Variants in EPHA10 observed in about 807,000 individuals in gnomAD.
EPHA10 encodes EPH receptor A10.
EPHA10 carries 120 observed loss-of-function variants against 109.7 expected under a neutral mutation model. The ratio of observed to expected loss-of-function variants is 1.09; its 90% CI spans 0.94 to 1.27. EPHA10 has a LOEUF of 1.27. Among genes scored for constraint, EPHA10 ranks in the 50% most tolerant of loss-of-function variants. The probability of loss-of-function intolerance (pLI) is 0.00; values close to 1 mark genes in which losing one functional copy is unlikely to be tolerated. For missense variants in EPHA10, 1,396 were observed against 1,411.1 expected (o/e 0.99, Z 0.17); for synonymous variants, 640 against 618.9 (o/e 1.03, Z -0.51).
Position 37,735,352 on chromosome 1 carries a change from C to T in EPHA10, c.1396G>A (p.Glu466Lys). The T allele has an allele frequency of 6.3e-7, 1 of 1,577,064 alleles. No homozygotes were observed. The highest frequency in any genetic ancestry group is 8.6e-7 in the Non-Finnish European group (1 of 1,161,346). ...CACGACAGGGACACGCTCTGGGGTT[C>T]CACTCGGTCCCTGCGGATCTCATCC... ...EEDEIRRDRV[E>K]PQSVSLSWRE... The change falls in exon 6 of 17, where the codon GAA (glutamate) becomes AAA (lysine). Residue 466 changes from glutamate (E) to lysine (K), a missense_variant. Physicochemically the swap from Glu to Lys is moderately conservative, Grantham distance 56. Transcript: ENST00000373048.
rs189994728 is a variant in EPHA10, at chr1:37,723,372, C to A, written c.1773G>T (p.Arg591Ser). ...SVMSVLAIWRRPCSYGKGGGD... is the reference protein window; with the variant it reads ...SVMSVLAIWRSPCSYGKGGGD... ...CTCCTCCTTTGCCATAGCTGCAGGG[C>A]CTGGCAGGGAGTTCAGGGTCATTCT... The change falls in exon 9 of 17, where the codon AGG (arginine) becomes AGT (serine). Residue 591 changes from arginine (R) to serine (S), a missense_variant and splice_region_variant. By Grantham distance (110) the Arg-to-Ser change is moderately radical (BLOSUM62 -1). Coordinates refer to ENST00000373048, the MANE Select transcript of EPHA10 (RefSeq NM_001099439.2). The A allele has an allele frequency of 2.5e-5, 40 of 1,614,006 alleles. 1 individual carries two copies. In the South Asian group the frequency reaches 4.1e-4, roughly 16 times the overall value.
At position 37,723,044 on chromosome 1, in the gene EPHA10, C is replaced by T. The variant is rs1645825537; in HGVS notation, c.1957G>A (p.Gly653Arg). The change falls in exon 10 of 17, where the codon GGA (glycine) becomes AGA (arginine). Residue 653 changes from glycine (G) to arginine (R), a missense_variant. Physicochemically the swap from Gly to Arg is moderately radical, Grantham distance 125. Transcript: ENST00000373048. ...KSVTLERSLG[G>R]GRFGELCCGC... ...GCTTCCTGGGCGCCCAGCTTGCCTC[C>T]TCCAAGGCTCCTCTCCAGCGTGACG... 5.6e-6 allele frequency: 9 copies of T among 1,614,178 alleles called. No homozygotes were observed. Among genetic ancestry groups the T allele is most frequent in the Middle Eastern group, 3.3e-4 (2 of 6,062 alleles).
chr1:37,752,285 C>T (rs1048274554), intron 5 of EPHA10, among the ~76,000 whole-genome samples: 16 of 152,116 alleles, frequency 1.1e-4, no homozygotes, highest in Non-Finnish European at 1.0e-4. Context: ...TGTGTTCCAT[C>T]GCCCCTACAG....
At chr1:37,726,726 C>T (rs1645897746) in intron 8 of EPHA10, among the ~76,000 whole-genome samples, 2 of 152,222 alleles carry the variant, frequency 1.3e-5, no homozygotes, top group Non-Finnish European at 2.9e-5. Flanking sequence ...TCTTTTCCCC[C>T]TTTTCCTGTG....
At chr1:37,740,009 G>A (rs551549499) in intron 5 of EPHA10, among the ~76,000 whole-genome samples, 1 of 152,152 alleles carries the variant, frequency 6.6e-6, no homozygotes, top group South Asian at 2.1e-4. Flanking sequence ...CAGGAGGCTT[G>A]CCCAAGACCA....
At chr1:37,755,355 A>T (rs1646385397) in intron 3 of EPHA10, among the ~76,000 whole-genome samples, 1 of 151,820 alleles carries the variant, frequency 6.6e-6, no homozygotes, top group South Asian at 2.1e-4. Context: ...CCCTCCCACC[A>T]CCACCATCAT....
intron 5 of EPHA10, among the ~76,000 whole-genome samples, chr1:37,749,039 CAG>C (rs1044182980): frequency 6.6e-6 from 1 of 151,112 alleles, no homozygotes; most frequent in Non-Finnish European, 1.5e-5. Context: ...TCTCCTGCCT[CAG>C]CCTCCCCAGT....
intron 5 of EPHA10, among the ~76,000 whole-genome samples, chr1:37,748,258 C>A (rs1352296060): frequency 6.6e-6 from 1 of 152,050 alleles, no homozygotes; most frequent in African/African-American, 2.4e-5. Flanking sequence ...ACTTGGGAGG[C>A]TGAGGCAGCA....
chr1:37,762,692 A>G (rs1235257014), intron 2 of EPHA10, 93 bp downstream of exon 2: 1 of 1,151,346 alleles, frequency 8.7e-7, no homozygotes, highest in Non-Finnish European at 1.2e-6. Context: ...TCTGAGGAGC[A>G]CTTTTGTCTG....
At chr1:37,760,579 G>T in intron 3 of EPHA10, 1 of 392,794 alleles carries the variant, frequency 2.5e-6, no homozygotes, top group Non-Finnish European at 3.7e-6. Flanking sequence ...GTGACTGGGA[G>T]ATTCCTCTCT....
intron 7 of EPHA10, among the ~76,000 whole-genome samples, chr1:37,730,046 C>T (rs1645956016): frequency 6.6e-6 from 1 of 152,114 alleles, no homozygotes; most frequent in South Asian, 2.1e-4. Flanking sequence ...CTGACGGTCC[C>T]CAGCTCCTGC....
Position 37,718,441 on chromosome 1 carries a change from G to A in EPHA10, c.2958C>T (p.Ala986=). ...LGISLAEHRE[A]LLSGISALQA... ...GCAGGGCGCTGATCCCGCTGAGGAGGGCCTCTCGATGTTCAGCCAAAGAGA... is the reference window on the plus strand; with the variant it reads ...GCAGGGCGCTGATCCCGCTGAGGAGAGCCTCTCGATGTTCAGCCAAAGAGA... Residue 986 remains alanine, a synonymous_variant, in exon 17 of 17, where the codon GCC becomes GCT. Transcript: ENST00000373048. 6.2e-7 allele frequency: 1 copy of A among 1,613,424 alleles called. No individual in the cohort carries two copies. The highest frequency in any genetic ancestry group is 1.1e-5 in the South Asian group (1 of 91,080).
downstream of EPHA10, chr1:37,714,985 C>T (rs1645671484): frequency 6.6e-6 from 1 of 152,260 alleles, no homozygotes; most frequent in South Asian, 2.1e-4. Flanking sequence ...TAGCCCAGTG[C>T]CCACACTGAC....
chr1:37,719,659 A>G lies in EPHA10; in HGVS notation c.2563-52T>C, dbSNP rs746173401. 5 of 1,599,798 alleles carry G rather than the reference A, an allele frequency of 3.1e-6. No individual in the cohort carries two copies. In the Admixed American group the frequency reaches 8.4e-5, roughly 27 times the overall value. On this transcript the variant is annotated intron_variant, in intron 14 of 16. Transcript: ENST00000373048. The stretch of plus-strand genomic sequence containing the variant: ...AGGAGGCTCTGGGTTTCCCCAGCAT[A>G]TGGTGTGTGCACACACACATGCACA...
At chr1:37,752,621 G>A (rs1474194717) in intron 5 of EPHA10, among the ~76,000 whole-genome samples, 1 of 152,154 alleles carries the variant, frequency 6.6e-6, no homozygotes, top group Non-Finnish European at 1.5e-5. Flanking sequence ...CAACAGAACC[G>A]CGCGCCTCCC....
intron 6 of EPHA10, among the ~76,000 whole-genome samples, chr1:37,732,867 T>C (rs1235929469): frequency 1.5e-3 from 58 of 38,116 alleles, no homozygotes; most frequent in African/African-American, 4.2e-3. Flanking sequence ...CTTGTTCTTT[T>C]TTTTTTTTTT....
At chr1:37,757,842 C>A (rs910276812) in intron 3 of EPHA10, among the ~76,000 whole-genome samples, 3 of 152,200 alleles carry the variant, frequency 2.0e-5, no homozygotes, top group African/African-American at 7.2e-5. Flanking sequence ...CTCCCTCCCA[C>A]CTTATAGGGA....
chr1:37,718,438 G>C lies in EPHA10; in HGVS notation c.2961C>G (p.Leu987=). ...CCTGCAGGGCGCTGATCCCGCTGAG[G>C]AGGGCCTCTCGATGTTCAGCCAAAG... is the stretch of plus-strand genomic sequence containing the variant. ...GISLAEHREA[L]LSGISALQAR... is the part of the protein sequence containing the mutation. Residue 987 remains leucine (L), a synonymous_variant, in exon 17 of 17, where the codon CTC becomes CTG. Transcript: ENST00000373048. 1 of 1,613,460 alleles carries C rather than the reference G, an allele frequency of 6.2e-7. No homozygotes were observed. The highest frequency in any genetic ancestry group is 1.7e-4 in the Middle Eastern group (1 of 6,060).
Position 37,719,918 on chromosome 1 carries a change from A to C in EPHA10, c.2553T>G (p.Ser851=), listed in dbSNP as rs368721119. Residue 851 remains serine, a synonymous_variant, in exon 14 of 17, where the codon TCT becomes TCG. Coordinates refer to ENST00000373048, the MANE Select transcript of EPHA10 (RefSeq NM_001099439.2). ...AFGERPYWDM[S]GQDVIKAVED... The stretch of plus-strand genomic sequence containing the variant: ...GCCACGGGTTACTCACGTCTTGGCC[A>C]GACATGTCCCAGTAAGGCCGCTCCC... The C allele has an allele frequency of 4.7e-5, 76 of 1,613,872 alleles. No homozygotes were observed. Among genetic ancestry groups the C allele is most frequent in the Non-Finnish European group, 6.1e-5 (72 of 1,180,032 alleles).
Sources: allele counts gnomAD v4.1 joint callset (sites outside exome capture counted in the v4.1 genomes callset), GRCh38; gene constraint gnomAD v4.1.1; transcripts MANE v1.5; gene names NCBI Gene and HGNC (gene_info 2026-07-23, HGNC 2026-07-21).